Variants in CDK14 observed in about 807,000 individuals in gnomAD.
The protein encoded by CDK14 is cyclin-dependent kinase 14.
Under a neutral mutation model 60.7 loss-of-function variants are expected in CDK14, and 34 were observed. That is an observed-to-expected ratio of 0.56 (90% confidence interval 0.43 to 0.75). The LOEUF is 0.75. Ranked by LOEUF, CDK14 falls within the 30% of genes least tolerant of loss-of-function variation. The pLI is 0.00. For missense variants in CDK14, 482 were observed against 564.1 expected (o/e 0.85, Z 1.47); for synonymous variants, 197 against 203.7 (o/e 0.97, Z 0.28).
chr7:90,642,349 A>G (rs1268017834), intron 2 of CDK14, among the ~76,000 whole-genome samples: 1 of 152,204 alleles, frequency 6.6e-6, no homozygotes, highest in Non-Finnish European at 1.5e-5. Context: ...TAATGGTTGC[A>G]TAATATTTCA....
chr7:90,666,604 A>G (rs1367217566), intron 2 of CDK14, among the ~76,000 whole-genome samples: 2 of 152,230 alleles, frequency 1.3e-5, no homozygotes, highest in Admixed American at 6.5e-5. Context: ...ATATCTGTCA[A>G]TATCTTGAGA....
intron 10 of CDK14, among the ~76,000 whole-genome samples, chr7:90,995,843 G>A (rs1394845452): frequency 1.3e-5 from 2 of 152,152 alleles, no homozygotes; most frequent in Admixed American, 6.5e-5. Context: ...TTCTGAATCC[G>A]AGTCTCAGGG....
chr7:91,146,724 T>G (rs1482266852), intron 14 of CDK14, among the ~76,000 whole-genome samples: 1 of 152,224 alleles, frequency 6.6e-6, no homozygotes, highest in African/African-American at 2.4e-5. Context: ...TAGCAAGTTA[T>G]ATTGTTCAGG....
At chr7:91,164,283 G>T (rs1801272460) in intron 14 of CDK14, among the ~76,000 whole-genome samples, 2 of 152,140 alleles carry the variant, frequency 1.3e-5, no homozygotes, top group Non-Finnish European at 2.9e-5. Flanking sequence ...TAATTTTGTT[G>T]AGTGGAAATA....
chr7:90,611,539 G>T (rs890343113), intron 2 of CDK14, among the ~76,000 whole-genome samples: 1 of 152,160 alleles, frequency 6.6e-6, no homozygotes, highest in Admixed American at 6.5e-5. Flanking sequence ...CCGCATCCAG[G>T]TGTTGGCTTG....
chr7:90,759,712 C>T (rs981666507), intron 4 of CDK14, among the ~76,000 whole-genome samples: 2 of 152,182 alleles, frequency 1.3e-5, no homozygotes, highest in African/African-American at 4.8e-5. Context: ...TCCTTTCTTT[C>T]CTACTGAATC....
At chr7:91,077,193 A>G (rs1798343921) in intron 11 of CDK14, among the ~76,000 whole-genome samples, 1 of 152,236 alleles carries the variant, frequency 6.6e-6, no homozygotes, top group Non-Finnish European at 1.5e-5. Context: ...AGACACATGC[A>G]CATGTATGTT....
At chr7:90,617,814 T>C (rs577944218) in intron 2 of CDK14, among the ~76,000 whole-genome samples, 10 of 152,200 alleles carry the variant, frequency 6.6e-5, no homozygotes, top group African/African-American at 1.9e-4. Flanking sequence ...TTAGTAAAAA[T>C]TTCCTGCTAG....
chr7:90,596,990 T>TCG (rs1430634215), intron 1 of CDK14, among the ~76,000 whole-genome samples: 3 of 152,116 alleles, frequency 2.0e-5, no homozygotes, highest in African/African-American at 7.2e-5. Flanking sequence ...GCTCGCCCTT[T>TCG]CGCGCGCGTG....
At chr7:90,788,327 A>G (rs1010383067) in intron 4 of CDK14, among the ~76,000 whole-genome samples, 13 of 152,178 alleles carry the variant, frequency 8.5e-5, no homozygotes, top group Non-Finnish European at 1.8e-4. Flanking sequence ...GCCCTGCCAA[A>G]GTGCTTAGTC....
intron 2 of CDK14, among the ~76,000 whole-genome samples, chr7:90,622,379 A>T (rs948730920): frequency 6.6e-6 from 1 of 152,208 alleles, no homozygotes; most frequent in Non-Finnish European, 1.5e-5. Context: ...ATGCATTATC[A>T]TCTTGAGCTT....
rs565150431 is a variant in CDK14, at chr7:90,701,074, C to A, written c.124-25493C>A. 7.2e-5 allele frequency among the ~76,000 whole-genome samples: 11 copies of A among 152,194 alleles called. No homozygotes were observed. The South Asian group carries it at 1.9e-3, about 26-fold the overall frequency. On this transcript the variant is annotated intron_variant, in intron 2 of 14. Coordinates refer to ENST00000380050, the MANE Select transcript of CDK14 (RefSeq NM_001287135.2). ...TACTTCTTTGGCTTTTTCCAAAATC[C>A]CCTCGATATTACTTGTTTAATTTTT...
chr7:91,008,055 A>G (rs1796028436), intron 10 of CDK14, among the ~76,000 whole-genome samples: 1 of 144,614 alleles, frequency 6.9e-6, no homozygotes, highest in Non-Finnish European at 1.5e-5. Context: ...GTATTGGATT[A>G]GGATTGCTCA....
intron 4 of CDK14, among the ~76,000 whole-genome samples, chr7:90,751,405 A>G (rs1323026362): frequency 6.6e-6 from 1 of 152,178 alleles, no homozygotes; most frequent in Admixed American, 6.5e-5. Flanking sequence ...CAAGAATTTC[A>G]TATCCCACCA....
intron 14 of CDK14, among the ~76,000 whole-genome samples, chr7:91,175,657 T>C (rs1413920788): frequency 6.6e-6 from 1 of 151,168 alleles, no homozygotes; most frequent in Admixed American, 6.6e-5. Context: ...GGGGTTGCAA[T>C]CCTAGTTTCT....
At chr7:91,122,851 T>G (rs1309560791) in intron 14 of CDK14, among the ~76,000 whole-genome samples, 2 of 152,174 alleles carry the variant, frequency 1.3e-5, no homozygotes, top group Non-Finnish European at 2.9e-5. Context: ...CAGTCACCCC[T>G]GTAGAAACTG....
intron 4 of CDK14, among the ~76,000 whole-genome samples, chr7:90,754,294 G>A (rs767082418): frequency 6.6e-6 from 1 of 152,076 alleles, no homozygotes; most frequent in Non-Finnish European, 1.5e-5. Flanking sequence ...ATAGACCAAA[G>A]GAACAGAATA....
At chr7:91,087,922 C>G (rs951984580) in intron 12 of CDK14, among the ~76,000 whole-genome samples, 14 of 152,116 alleles carry the variant, frequency 9.2e-5, no homozygotes, top group African/African-American at 2.7e-4. Flanking sequence ...TAATGCAATA[C>G]TGTGATTTGT....
chr7:91,158,757 A>G (rs1801071424), intron 14 of CDK14, among the ~76,000 whole-genome samples: 1 of 152,188 alleles, frequency 6.6e-6, no homozygotes, highest in African/African-American at 2.4e-5. Context: ...GAGGTAAGGA[A>G]TTGATGGTCA....
Sources: gnomAD v4.1 joint callset for allele counts (sites outside exome capture counted in the v4.1 genomes callset) on GRCh38, gnomAD v4.1.1 for gene constraint, MANE v1.5 for transcripts, NCBI Gene and HGNC (gene_info 2026-07-23, HGNC 2026-07-21) for gene names.